Variants in GRTP1 observed in about 807,000 individuals in gnomAD.
The protein encoded by GRTP1 is growth hormone-regulated TBC protein 1.
A neutral mutation model predicts 38.1 loss-of-function variants in GRTP1; 56 were observed. The ratio of observed to expected loss-of-function variants is 1.47; its 90% CI spans 1.19 to 1.84. The LOEUF (loss-of-function observed/expected upper bound fraction) is 1.84. Among genes scored for constraint, GRTP1 ranks in the 40% most tolerant of loss-of-function variants. GRTP1 has a pLI of 0.00. For synonymous variants in GRTP1, 217 were observed against 189.5 expected (o/e 1.14, Z -1.19); for missense variants, 506 against 453.9 (o/e 1.11, Z -1.04).
chr13:113,339,711 C>T (rs981827672), intron 5 of GRTP1: 40 of 152,198 alleles, frequency 2.6e-4, no homozygotes, highest in Admixed American at 2.6e-3. Flanking sequence ...TAATACCACA[C>T]CATTTTAATT....
chr13:113,347,982 A>T (rs1275096429), intron 4 of GRTP1, among the ~76,000 whole-genome samples: 1 of 149,270 alleles, frequency 6.7e-6, no homozygotes. Flanking sequence ...GGCCGAGAGC[A>T]GACCTGGGAG....
At chr13:113,347,914 C>A (rs1423667428) in intron 4 of GRTP1, among the ~76,000 whole-genome samples, 1 of 146,618 alleles carries the variant, frequency 6.8e-6, no homozygotes, top group Non-Finnish European at 1.5e-5. Context: ...ACCTCTGTGG[C>A]CAAGAACGGA....
In GRTP1 at chr13:113,355,315, C is replaced by T. The variant is rs767206654; in HGVS notation, c.340+8G>A. On this transcript the variant is annotated splice_region_variant and intron_variant, in intron 3 of 7. Coordinates refer to ENST00000375431, the MANE Select transcript of GRTP1 (RefSeq NM_024719.4). ...CCCTGCACCAGAGCTCGACCCCCAC[C>T]GCCTCACCTGTCCTGATGGCGTCCT... is the stretch of plus-strand genomic sequence containing the variant. The T allele has an allele frequency of 1.9e-6, 3 of 1,613,296 alleles. No individual in the cohort carries two copies. Among genetic ancestry groups the T allele is most frequent in the East Asian group, 2.2e-5 (1 of 44,854 alleles).
intron 5 of GRTP1, among the ~76,000 whole-genome samples, 185 bp from the exon 6 acceptor site, chr13:113,326,276 C>T (rs912149538): frequency 1.3e-5 from 2 of 151,692 alleles, no homozygotes; most frequent in Non-Finnish European, 2.9e-5. Context: ...GGGAGCGACC[C>T]CCACAGCCAG....
intron 5 of GRTP1, among the ~76,000 whole-genome samples, chr13:113,326,833 G>A (rs1391436375): frequency 6.6e-6 from 1 of 152,190 alleles, no homozygotes; most frequent in African/African-American, 2.4e-5. Context: ...ATGTCCACAC[G>A]ACGGAATATT....
At chr13:113,333,519 T>A (rs1331921410) in intron 5 of GRTP1, among the ~76,000 whole-genome samples, 2 of 152,188 alleles carry the variant, frequency 1.3e-5, no homozygotes, top group Admixed American at 6.6e-5. Context: ...TTATTTATTT[T>A]TTTGAGATAG....
At chr13:113,334,280 A>ACTGCCCCCCCCCCCCCCCCCCCCCCCGCC (rs1202504022) in intron 5 of GRTP1, among the ~76,000 whole-genome samples, 4 of 142,476 alleles carry the variant, frequency 2.8e-5, no homozygotes, top group Admixed American at 7.3e-5. Flanking sequence ...CACTGCCACG[A>ACTGCCCCCCCCCCCCCCCCCCCCCCCGCC]CAGCCTCCCG....
At chr13:113,335,989 A>T (rs1484726897) in intron 5 of GRTP1, among the ~76,000 whole-genome samples, 2 of 151,768 alleles carry the variant, frequency 1.3e-5, no homozygotes, top group African/African-American at 4.8e-5. Context: ...AAAGGGTTTC[A>T]CCGTGTTGAC....
intron 2 of GRTP1, 125 bp from the exon 3 acceptor site, chr13:113,355,606 C>T: frequency 8.6e-7 from 1 of 1,156,602 alleles, no homozygotes; most frequent in Non-Finnish European, 1.2e-6. Context: ...AGACCCAGAA[C>T]TTCGTCCATC....
At chr13:113,328,226 CTG>C (rs1000227597) in intron 5 of GRTP1, among the ~76,000 whole-genome samples, 1 of 152,226 alleles carries the variant, frequency 6.6e-6, no homozygotes, top group Non-Finnish European at 1.5e-5. Flanking sequence ...CCACCCAACA[CTG>C]TGCATTCATC....
intron 2 of GRTP1, among the ~76,000 whole-genome samples, chr13:113,357,148 A>G (rs2043406956): frequency 6.6e-6 from 1 of 151,318 alleles, no homozygotes; most frequent in East Asian, 1.9e-4. Flanking sequence ...TGTCTCTACA[A>G]AAGATACAAA....
At chr13:113,363,956 G>C (rs776563510) in intron 1 of GRTP1, 46 bp from the exon 2 acceptor site, 2 of 1,579,782 alleles carry the variant, frequency 1.3e-6, no homozygotes, top group Admixed American at 1.8e-5. Context: ...AGTTTCCTCT[G>C]GGGGGTCGCG....
chr13:113,325,505 AG>A (rs1344542013), intron 7 of GRTP1, 155 bp downstream of exon 7: 1 of 1,489,864 alleles, frequency 6.7e-7, no homozygotes, highest in East Asian at 2.4e-5. Flanking sequence ...GGCCAGGCGC[AG>A]GGGGCAGATG....
intron 7 of GRTP1, 110 bp downstream of exon 7, chr13:113,325,551 G>A (rs1331280137): frequency 1.3e-6 from 2 of 1,578,724 alleles, no homozygotes; most frequent in East Asian, 2.3e-5. Flanking sequence ...TGTGCCCTAT[G>A]CCCACTGGTG....
At chr13:113,330,939 G>T (rs78942846) in intron 5 of GRTP1, among the ~76,000 whole-genome samples, 115 of 103,888 alleles carry the variant, frequency 1.1e-3, no homozygotes, top group Non-Finnish European at 1.2e-3. Context: ...GCCCAGGTGT[G>T]TGCATGGAAA....
At chr13:113,353,814 A>G (rs912008) in intron 3 of GRTP1, among the ~76,000 whole-genome samples, 150,061 of 152,308 alleles carry the variant, frequency 0.99, 73,958 homozygotes, top group Middle Eastern at 1. Flanking sequence ...TCACTCCTGT[A>G]ACCCTAGCAC....
chr13:113,362,775 C>G (rs1367654056), intron 2 of GRTP1, among the ~76,000 whole-genome samples: 1 of 152,136 alleles, frequency 6.6e-6, no homozygotes, highest in African/African-American at 2.4e-5. Context: ...CCTTCCCCAC[C>G]AGGTCCCTAC....
intron 5 of GRTP1, among the ~76,000 whole-genome samples, chr13:113,336,599 C>T (rs1318632159): frequency 9.0e-6 from 1 of 110,892 alleles, no homozygotes; most frequent in East Asian, 3.0e-4. Flanking sequence ...TGGGGTGGCC[C>T]TGCCTACACC....
At chr13:113,328,915 C>T (rs1023683330) in intron 5 of GRTP1, among the ~76,000 whole-genome samples, 8 of 152,114 alleles carry the variant, frequency 5.3e-5, no homozygotes, top group South Asian at 2.1e-4. Context: ...TTCCCTTCCC[C>T]GCCCAGAAGC....
Sources: allele counts gnomAD v4.1 joint callset (sites outside exome capture counted in the v4.1 genomes callset), GRCh38; gene constraint gnomAD v4.1.1; transcripts MANE v1.5; gene names NCBI Gene and HGNC (gene_info 2026-07-23, HGNC 2026-07-21).